The following AIMP1 variants were observed in gnomAD, a reference collection of about 807,000 sequenced individuals.
AIMP1 encodes aminoacyl tRNA synthase complex-interacting multifunctional protein 1.
Under a neutral mutation model 33.1 loss-of-function variants are expected in AIMP1, and 24 were observed. The observed-to-expected ratio is 0.73, with a 90% CI of 0.53 to 1.02. The LOEUF (loss-of-function observed/expected upper bound fraction) is 1.02, where lower values mean the gene tolerates loss of function less well. Among genes scored for constraint, AIMP1 ranks in the 50% least tolerant of loss-of-function variants. The probability of loss-of-function intolerance (pLI) is 0.00; values close to 1 mark genes in which losing one functional copy is unlikely to be tolerated. For missense variants in AIMP1, 367 were observed against 364.8 expected (o/e 1.01, Z -0.05); for synonymous variants, 120 against 121.5 (o/e 0.99, Z 0.08).
intron 1 of AIMP1, among the ~76,000 whole-genome samples, chr4:106,322,759 C>A (rs1330971892): frequency 6.6e-6 from 1 of 152,038 alleles, no homozygotes; most frequent in African/African-American, 2.4e-5. Flanking sequence ...CCGAGGTGGG[C>A]AGATCAGTTG....
At chr4:106,333,895 T>C (rs1050428967) in intron 5 of AIMP1, among the ~76,000 whole-genome samples, 5 of 152,196 alleles carry the variant, frequency 3.3e-5, no homozygotes, top group African/African-American at 1.2e-4. Context: ...ACTTTCTTCC[T>C]TTTTCTTTAC....
At position 106,331,760 on chromosome 4, in the gene AIMP1, T is replaced by C; in HGVS notation, c.480T>C (p.Gly160=). The change falls in exon 5 of 7, where the codon GGT becomes GGC. Residue 160 remains glycine, a synonymous_variant. Coordinates refer to ENST00000672341, the MANE Select transcript of AIMP1 (RefSeq NM_001142416.2). ...IDVSRLDLRI[G]CIITARKHPD... ...TTTCCCGTCTGGATCTTCGAATTGG[T>C]TGCATCATAACTGCTAGAAAACACC... The C allele has an allele frequency of 6.2e-7, 1 of 1,614,106 alleles. No individual in the cohort carries two copies.
intron 5 of AIMP1, among the ~76,000 whole-genome samples, chr4:106,334,182 ATATTT>A (rs1324452772): frequency 6.6e-6 from 1 of 152,140 alleles, no homozygotes; most frequent in Non-Finnish European, 1.5e-5. Context: ...TCATTCAATT[ATATTT>A]ATAGCTGCAA....
Position 106,347,570 on chromosome 4 carries a change from C to T in AIMP1, c.817C>T (p.Gln273Ter). The T allele has an allele frequency of 6.2e-7, 1 of 1,613,162 alleles. No homozygotes were observed. Residue 273 changes from glutamine to a stop codon, truncating the protein, a stop_gained, in exon 7 of 7, where the codon CAG becomes TAG. Coordinates refer to ENST00000672341, the MANE Select transcript of AIMP1 (RefSeq NM_001142416.2). LOFTEE classifies it high-confidence loss of function. ...ELNPKKKIWE[Q>*]IQPDLHTNDE... ...GAATCCTAAGAAGAAGATTTGGGAG[C>T]AGATCCAGCCTGATCTTCACACTAA...
intron 6 of AIMP1, among the ~76,000 whole-genome samples, chr4:106,342,038 C>T (rs1770116902): frequency 6.6e-6 from 1 of 152,018 alleles, no homozygotes; most frequent in Admixed American, 6.6e-5. Context: ...CTAGATATTT[C>T]ATTTTTTGTG....
chr4:106,340,917 C>A (rs978525864), intron 6 of AIMP1, among the ~76,000 whole-genome samples: 2 of 152,120 alleles, frequency 1.3e-5, no homozygotes, highest in Admixed American at 6.5e-5. Context: ...TCTTCCACCT[C>A]ACCAACATCT....
intron 1 of AIMP1, among the ~76,000 whole-genome samples, chr4:106,322,795 C>G (rs1236981356): frequency 6.6e-6 from 1 of 152,024 alleles, no homozygotes; most frequent in Non-Finnish European, 1.5e-5. Flanking sequence ...TCGAGACCAG[C>G]CTGGCCAACA....
intron 4 of AIMP1, among the ~76,000 whole-genome samples, chr4:106,329,454 T>C (rs1405703279): frequency 6.6e-6 from 1 of 152,184 alleles, no homozygotes; most frequent in Non-Finnish European, 1.5e-5. Context: ...AATGGAGTTA[T>C]AAGATTAGAA....
chr4:106,331,293 C>G (rs949400273), intron 4 of AIMP1, among the ~76,000 whole-genome samples: 2 of 152,128 alleles, frequency 1.3e-5, no homozygotes, highest in Admixed American at 6.5e-5. Context: ...CTGCCTAAAG[C>G]CTTTGTCACA....
chr4:106,321,723 C>A (rs1406494079), intron 1 of AIMP1, among the ~76,000 whole-genome samples: 1 of 152,198 alleles, frequency 6.6e-6, no homozygotes, highest in Admixed American at 6.5e-5. Context: ...GAGAACGGGC[C>A]ATGATGACGA....
At chr4:106,321,593 C>T (rs1769249620) in intron 1 of AIMP1, 1 of 155,348 alleles carries the variant, frequency 6.4e-6, no homozygotes, top group Non-Finnish European at 1.4e-5. Flanking sequence ...GCAGCCCCCG[C>T]CCGGCCGGCG....
chr4:106,328,748 C>T (rs1362478558), intron 4 of AIMP1, among the ~76,000 whole-genome samples: 1 of 152,178 alleles, frequency 6.6e-6, no homozygotes, highest in Non-Finnish European at 1.5e-5. Context: ...TAACCTGTCC[C>T]TATTCCCTGT....
chr4:106,345,258 G>A (rs1015339196), intron 6 of AIMP1, among the ~76,000 whole-genome samples: 5 of 152,118 alleles, frequency 3.3e-5, no homozygotes, highest in Non-Finnish European at 7.3e-5. Context: ...ATGTCAGTCT[G>A]CTTCTTAACT....
chr4:106,343,788 T>G (rs1408535383), intron 6 of AIMP1, among the ~76,000 whole-genome samples: 2 of 152,200 alleles, frequency 1.3e-5, no homozygotes, highest in Non-Finnish European at 2.9e-5. Context: ...AATGCACTAT[T>G]TATGATCAAA....
Position 106,331,897 on chromosome 4 carries a change from C to T in AIMP1, c.603+14C>T, listed in dbSNP as rs757249984. 21 of 1,606,570 alleles carry T rather than the reference C, an allele frequency of 1.3e-5. No individual in the cohort carries two copies. The South Asian group carries it at 1.9e-4, about 14-fold the overall frequency. ...CCTCTTGAACAGGTAATCTGTACAA[C>T]TGAAATTCCTGTTGTGTACATACAA... On this transcript the variant is annotated intron_variant, in intron 5 of 6. Transcript: ENST00000672341.
rs550756324 is a variant in AIMP1, at chr4:106,334,588, C to A, written c.604-2281C>A. 5.9e-5 allele frequency among the ~76,000 whole-genome samples: 9 copies of A among 152,178 alleles called. No homozygotes were observed. The South Asian group carries it at 1.9e-3, about 32-fold the overall frequency. ...GCAACAAACATATTTTTAAAAATAG[C>A]CCTGCCTTTATGAAGCTCACATTTG... is the stretch of plus-strand genomic sequence containing the variant. On this transcript the variant is annotated intron_variant, in intron 5 of 6. Coordinates refer to ENST00000672341, the MANE Select transcript of AIMP1 (RefSeq NM_001142416.2).
intron 2 of AIMP1, among the ~76,000 whole-genome samples, chr4:106,326,482 C>T (rs1345542647): frequency 3.3e-5 from 5 of 152,122 alleles, no homozygotes; most frequent in Non-Finnish European, 5.9e-5. Flanking sequence ...AGTACCAACC[C>T]CACTGAGAAC....
intron 1 of AIMP1, among the ~76,000 whole-genome samples, chr4:106,322,156 C>T (rs1484682558): frequency 9.9e-5 from 15 of 152,186 alleles, no homozygotes; most frequent in Admixed American, 9.8e-4. Flanking sequence ...CAGAAGGCGG[C>T]AGGGCCCTCT....
chr4:106,328,052 A>G, intron 3 of AIMP1, 24 bp from the exon 4 acceptor site: 1 of 1,608,422 alleles, frequency 6.2e-7, no homozygotes, highest in Non-Finnish European at 8.5e-7. Flanking sequence ...AATATGAATG[A>G]CATTATTTCA....
Sources: allele counts gnomAD v4.1 joint callset (sites outside exome capture counted in the v4.1 genomes callset), GRCh38; gene constraint gnomAD v4.1.1; transcripts MANE v1.5; gene names NCBI Gene and HGNC (gene_info 2026-07-23, HGNC 2026-07-21).